Variants in SVOPL observed in about 807,000 individuals in gnomAD.
The protein encoded by SVOPL is SVOP like, also known as putative transporter SVOPL.
Under a neutral mutation model 61.0 loss-of-function variants are expected in SVOPL, and 60 were observed. The ratio of observed to expected loss-of-function variants is 0.98; its 90% CI spans 0.80 to 1.22. The LOEUF (loss-of-function observed/expected upper bound fraction) is 1.22. Among genes scored for constraint, SVOPL ranks in the 50% most tolerant of loss-of-function variants. The pLI is 0.00. For missense variants in SVOPL, 662 were observed against 643.9 expected (o/e 1.03, Z -0.30); for synonymous variants, 279 against 250.0 (o/e 1.12, Z -1.09).
intron 14 of SVOPL, among the ~76,000 whole-genome samples, chr7:138,612,668 A>C (rs1310623009): frequency 6.6e-6 from 1 of 152,016 alleles, no homozygotes; most frequent in Non-Finnish European, 1.5e-5. Flanking sequence ...GGTGCCTGCC[A>C]CCATGCCCAG....
chr7:138,663,278 C>G (rs1013051424), intron 4 of SVOPL, 133 bp from the exon 5 acceptor site: 1 of 1,494,462 alleles, frequency 6.7e-7, no homozygotes, highest in African/African-American at 1.4e-5. Context: ...CAGGGTTTCA[C>G]GTTGGTCTTG....
At chr7:138,668,173 G>A (rs922132344) in intron 4 of SVOPL, among the ~76,000 whole-genome samples, 4 of 151,992 alleles carry the variant, frequency 2.6e-5, no homozygotes, top group Admixed American at 1.3e-4. Context: ...AGAGGAAAGC[G>A]TCAATTCCCT....
intron 14 of SVOPL, among the ~76,000 whole-genome samples, chr7:138,603,698 T>G: frequency 6.6e-6 from 1 of 152,030 alleles, no homozygotes; most frequent in Middle Eastern, 3.2e-3. Flanking sequence ...AAGCATGAAA[T>G]TTTACTATCT....
intron 1 of SVOPL, chr7:138,689,612 A>T (rs1204638195): frequency 2.5e-6 from 1 of 401,042 alleles, no homozygotes; most frequent in East Asian, 5.8e-5. Flanking sequence ...TAATCCCAAC[A>T]CTTTGGGAGG....
intron 3 of SVOPL, among the ~76,000 whole-genome samples, chr7:138,676,702 T>C (rs1429499617): frequency 1.3e-5 from 2 of 152,344 alleles, no homozygotes; most frequent in African/African-American, 4.8e-5. Flanking sequence ...CACAAAATGT[T>C]TGAGAGCCAT....
intron 14 of SVOPL, among the ~76,000 whole-genome samples, chr7:138,603,787 A>T (rs77823704): frequency 0.15 from 23,287 of 151,960 alleles, 2,384 homozygotes; most frequent in East Asian, 0.33. Context: ...CTCCAATGAA[A>T]AGAGGAAAAC....
In SVOPL at chr7:138,628,159, A is replaced by G. The variant is rs772965882; in HGVS notation, c.1068T>C (p.Ala356=). Residue 356 remains alanine (A), a splice_region_variant and synonymous_variant, in exon 11 of 16, where the codon GCT becomes GCC. Transcript: ENST00000674285. ...TMIISTIGEI[A]LNPLNILGIN... ...CCCAACACGCAGAGGGACACTTACA[A>G]GCAATTTCACCGATGGTGCTGATGA... 6.2e-7 allele frequency: 1 copy of G among 1,614,166 alleles called. No homozygotes were observed. Among genetic ancestry groups the G allele is most frequent in the East Asian group, 2.2e-5 (1 of 44,878 alleles).
chr7:138,691,106 T>C (rs1802930255), intron 1 of SVOPL, among the ~76,000 whole-genome samples: 1 of 152,186 alleles, frequency 6.6e-6, no homozygotes, highest in African/African-American at 2.4e-5. Context: ...GTGACTTTTA[T>C]GTAGGTGGAT....
intron 10 of SVOPL, among the ~76,000 whole-genome samples, chr7:138,628,600 C>T (rs1800011674): frequency 6.6e-6 from 1 of 152,150 alleles, no homozygotes; most frequent in East Asian, 1.9e-4. Flanking sequence ...ACACATATTT[C>T]CAGCTGTGAT....
intron 7 of SVOPL, among the ~76,000 whole-genome samples, chr7:138,653,098 A>G (rs924223038): frequency 1.9e-4 from 29 of 152,212 alleles, no homozygotes; most frequent in Admixed American, 3.9e-4. Context: ...ACTCTCTTCA[A>G]TTATGGGAAG....
intron 14 of SVOPL, among the ~76,000 whole-genome samples, chr7:138,609,120 GA>G (rs1798882466): frequency 6.6e-6 from 1 of 152,012 alleles, no homozygotes; most frequent in Non-Finnish European, 1.5e-5. Context: ...CCTAATAAAA[GA>G]AACACTAATT....
Position 138,649,059 on chromosome 7 carries a change from T to A in SVOPL, c.613A>T (p.Ile205Phe). The A allele has an allele frequency of 2.5e-6, 4 of 1,613,744 alleles. No homozygotes were observed. Among genetic ancestry groups the A allele is most frequent in the Non-Finnish European group, 3.4e-6 (4 of 1,179,918 alleles). Residue 205 changes from isoleucine (I) to phenylalanine (F), a missense_variant, in exon 8 of 16, where the codon ATT becomes TTT. Transcript: ENST00000674285. ...IIPTIGWRWL[I>F]RVASIPGIIL... ...ATGCCCGGGATGGAGGCGACGCGAATGAGCCAGCGCCACCCGATGGTGGGG... is the reference window on the plus strand; with the variant it reads ...ATGCCCGGGATGGAGGCGACGCGAAAGAGCCAGCGCCACCCGATGGTGGGG...
chr7:138,620,234 C>T (rs377587965), intron 14 of SVOPL, among the ~76,000 whole-genome samples: 5 of 147,762 alleles, frequency 3.4e-5, no homozygotes, highest in African/African-American at 1.2e-4. Context: ...GATTCTCGTG[C>T]CTCAGCCTCC....
At position 138,673,517 on chromosome 7, in the gene SVOPL, C is replaced by A. The variant is rs184855885; in HGVS notation, c.175-1400G>T. 1.8e-3 allele frequency among the ~76,000 whole-genome samples: 280 copies of A among 151,934 alleles called. 1 individual carries two copies. Among genetic ancestry groups the A allele is most frequent in the Middle Eastern group, 0.01 (3 of 294 alleles). Reference sequence around the variant, plus strand: ...GCTAAAAATACAGAAATTAGTGGGACACGGTACTGCACGCCTACTCAGGAG... The same window carrying A: ...GCTAAAAATACAGAAATTAGTGGGAAACGGTACTGCACGCCTACTCAGGAG... On this transcript the variant is annotated intron_variant, in intron 3 of 15. Coordinates refer to ENST00000674285, the MANE Select transcript of SVOPL (RefSeq NM_001139456.2).
chr7:138,622,856 T>C (rs534114583), intron 13 of SVOPL, among the ~76,000 whole-genome samples: 1 of 152,332 alleles, frequency 6.6e-6, no homozygotes, highest in African/African-American at 2.4e-5. Context: ...GAACTAGAAG[T>C]TTAATAAGTC....
chr7:138,672,012 T>C lies in SVOPL; in HGVS notation c.273+7A>G, dbSNP rs1487507238. 6.4e-7 allele frequency: 1 copy of C among 1,551,426 alleles called. No individual in the cohort carries two copies. Among genetic ancestry groups the C allele is most frequent in the Non-Finnish European group, 8.7e-7 (1 of 1,146,868 alleles). On this transcript the variant is annotated splice_region_variant and intron_variant, in intron 4 of 15. Transcript: ENST00000674285. ...CTGTGTTCACGGCACAGGGAGCAGG[T>C]ACTTACCGTGGTTACTAATGCCACC...
rs1563094590 is a variant in SVOPL at position 138,621,052 on chromosome 7, T to C, written c.1347A>G (p.Ile449Met). Residue 449 changes from isoleucine to methionine, a missense_variant, in exon 14 of 16, where the codon ATA becomes ATG. Coordinates refer to ENST00000674285, the MANE Select transcript of SVOPL (RefSeq NM_001139456.2). ...GCAGGGTCCTTGGCTGTACCTGGGA[T>C]ATAAATGGTGCCACCATTGCACCAA... ...CRIGAMVAPF[I>M]SQVLMSASIL... The C allele has an allele frequency of 3.7e-6, 6 of 1,613,504 alleles. No individual in the cohort carries two copies. The highest frequency in any genetic ancestry group is 5.1e-6 in the Non-Finnish European group (6 of 1,179,814).
rs1351456139 is a variant in SVOPL, at chr7:138,621,830, GTATC to G, written c.1264-699_1264-696del. Among the ~76,000 whole-genome samples, 108 of 37,500 alleles carry G rather than the reference GTATC, an allele frequency of 2.9e-3. 1 individual carries two copies. The highest frequency in any genetic ancestry group is 0.026 in the Middle Eastern group (2 of 76). The allele number at this position is 37,500 out of a possible 152,430, so 24.6% of individuals were successfully genotyped here. Reference sequence around the variant, plus strand: ...TCTATCTATGTATCTATGTATCTATGTATCTATCTATCTATGTATCTATCTATCT... The same window carrying G: ...TCTATCTATGTATCTATGTATCTATGTATCTATCTATGTATCTATCTATCT... On this transcript the variant is annotated intron_variant, in intron 13 of 15. Coordinates refer to ENST00000674285, the MANE Select transcript of SVOPL (RefSeq NM_001139456.2).
At chr7:138,606,642 G>T (rs1473113976) in intron 14 of SVOPL, among the ~76,000 whole-genome samples, 1 of 152,098 alleles carries the variant, frequency 6.6e-6, no homozygotes, top group African/African-American at 2.4e-5. Flanking sequence ...TGATTTTTTA[G>T]GCTGTTCCTC....
Sources: allele counts gnomAD v4.1 joint callset (sites outside exome capture counted in the v4.1 genomes callset), GRCh38; gene constraint gnomAD v4.1.1; transcripts MANE v1.5; gene names NCBI Gene and HGNC (gene_info 2026-07-23, HGNC 2026-07-21).